Variants in ARHGAP6 observed in about 807,000 individuals in gnomAD.
ARHGAP6 encodes rho GTPase-activating protein 6.
A neutral mutation model predicts 55.7 loss-of-function variants in ARHGAP6; 16 were observed. That is an observed-to-expected ratio of 0.29 (90% confidence interval 0.19 to 0.44). ARHGAP6 has a LOEUF of 0.44. Among genes scored for constraint, ARHGAP6 ranks in the 20% least tolerant of loss-of-function variants. The pLI is 1.00. For synonymous variants in ARHGAP6, 382 were observed against 360.9 expected (o/e 1.06, Z -0.66); for missense variants, 698 against 808.9 (o/e 0.86, Z 1.66).
intron 1 of ARHGAP6, among the ~76,000 whole-genome samples, chrX:11,626,064 T>C (rs926914081): frequency 8.9e-6 from 1 of 111,969 alleles, no homozygotes; most frequent in African/African-American, 3.2e-5. Context: ...AGCTAGTTTT[T>C]TTACTGACAA....
intron 1 of ARHGAP6, among the ~76,000 whole-genome samples, chrX:11,341,228 A>C (rs972075974): frequency 8.9e-6 from 1 of 111,759 alleles, no homozygotes; most frequent in Non-Finnish European, 1.9e-5. Flanking sequence ...ATGATTCCAA[A>C]ACCCATGTCA....
intron 1 of ARHGAP6, among the ~76,000 whole-genome samples, chrX:11,401,993 C>A (rs1045530857): frequency 4.5e-5 from 5 of 111,957 alleles, no homozygotes; most frequent in Admixed American, 9.5e-5. Context: ...TGTCCCATCA[C>A]TGTCCAATAA....
At chrX:11,450,909 T>C (rs1193869115) in intron 1 of ARHGAP6, among the ~76,000 whole-genome samples, 1 of 111,295 alleles carries the variant, frequency 9.0e-6, no homozygotes, top group African/African-American at 3.3e-5. Flanking sequence ...TCCTCCCCCA[T>C]TTCCCCACCG....
chrX:11,152,769 C>A (rs940670969), intron 10 of ARHGAP6, among the ~76,000 whole-genome samples: 1 of 112,514 alleles, frequency 8.9e-6, no homozygotes, highest in Non-Finnish European at 1.9e-5. Flanking sequence ...CAAACTCCCA[C>A]ATGATAGTAA....
chrX:11,313,776 G>A (rs747008411), intron 1 of ARHGAP6, among the ~76,000 whole-genome samples: 2 of 112,132 alleles, frequency 1.8e-5, no homozygotes, highest in Non-Finnish European at 3.8e-5. Context: ...CTAGGTTTAG[G>A]TGCTAAGAAT....
At chrX:11,478,446 T>C (rs1034604) in intron 1 of ARHGAP6, among the ~76,000 whole-genome samples, 422 of 112,154 alleles carry the variant, frequency 3.8e-3, no homozygotes, top group African/African-American at 0.013. Context: ...CATACAGTAT[T>C]ATTCCATTTA....
chrX:11,425,375 G>A (rs1191806021), intron 1 of ARHGAP6, among the ~76,000 whole-genome samples: 6 of 112,149 alleles, frequency 5.4e-5, no homozygotes, highest in African/African-American at 9.7e-5. Context: ...AAAGTGCAGC[G>A]TTAGAATAGA....
intron 1 of ARHGAP6, among the ~76,000 whole-genome samples, chrX:11,595,146 C>T (rs921480742): frequency 4.5e-5 from 5 of 110,614 alleles, no homozygotes; most frequent in Admixed American, 9.6e-5. Flanking sequence ...AAAAATTAGC[C>T]GGGTATGGTG....
intron 1 of ARHGAP6, among the ~76,000 whole-genome samples, chrX:11,340,727 T>TCAAAA (rs1555993290): frequency 1.0e-4 from 10 of 96,710 alleles, no homozygotes; most frequent in Admixed American, 3.3e-4. Flanking sequence ...AGACTCCGTC[T>TCAAAA]AAAAAAAAAA....
At chrX:11,339,346 C>T (rs761710659) in intron 1 of ARHGAP6, among the ~76,000 whole-genome samples, 7 of 111,100 alleles carry the variant, frequency 6.3e-5, no homozygotes, top group Non-Finnish European at 1.1e-4. Flanking sequence ...TTCTTTAATG[C>T]GCAGGGAAGC....
chrX:11,357,590 A>G (rs746540346), intron 1 of ARHGAP6, among the ~76,000 whole-genome samples: 2 of 111,799 alleles, frequency 1.8e-5, no homozygotes, highest in Non-Finnish European at 3.8e-5. Flanking sequence ...GTATTCAAAC[A>G]GATGTAGTAC....
intron 1 of ARHGAP6, among the ~76,000 whole-genome samples, chrX:11,629,454 C>G (rs1474704414): frequency 9.0e-6 from 1 of 110,839 alleles, no homozygotes; most frequent in Non-Finnish European, 1.9e-5. Context: ...ATAATGTATG[C>G]CAAGCACTGC....
intron 1 of ARHGAP6, among the ~76,000 whole-genome samples, chrX:11,471,775 T>C (rs1353314938): frequency 9.0e-6 from 1 of 111,673 alleles, no homozygotes; most frequent in Non-Finnish European, 1.9e-5. Flanking sequence ...GACAATGTAA[T>C]AGTCTGATCC....
At chrX:11,183,825 T>A (rs917969852) in intron 5 of ARHGAP6, among the ~76,000 whole-genome samples, 2 of 112,258 alleles carry the variant, frequency 1.8e-5, no homozygotes, top group African/African-American at 6.5e-5. Flanking sequence ...CAAGAATACT[T>A]CACAAAAAGT....
chrX:11,445,399 T>G (rs1028347953), intron 1 of ARHGAP6, among the ~76,000 whole-genome samples: 2 of 111,982 alleles, frequency 1.8e-5, no homozygotes, highest in African/African-American at 6.5e-5. Flanking sequence ...TCTTACTGTG[T>G]CACTTTTCAA....
intron 1 of ARHGAP6, among the ~76,000 whole-genome samples, chrX:11,280,255 C>A (rs1266422690): frequency 8.9e-6 from 1 of 111,756 alleles, no homozygotes; most frequent in Non-Finnish European, 1.9e-5. Context: ...TCTTTCTCTA[C>A]TTGGGAAAGG....
chrX:11,521,061 C>T (rs2050919732), intron 1 of ARHGAP6, among the ~76,000 whole-genome samples: 2 of 111,655 alleles, frequency 1.8e-5, no homozygotes, highest in Non-Finnish European at 1.9e-5. Context: ...GATATTAGCC[C>T]TTTGTCAGAT....
chrX:11,539,972 C>G (rs962569026), intron 1 of ARHGAP6, among the ~76,000 whole-genome samples: 1 of 110,964 alleles, frequency 9.0e-6, no homozygotes, highest in Non-Finnish European at 1.9e-5. Context: ...AAACAAACCT[C>G]AGGCTGGGTA....
chrX:11,269,595 G>A (rs886986998), intron 1 of ARHGAP6, among the ~76,000 whole-genome samples: 2 of 71,825 alleles, frequency 2.8e-5, no homozygotes, highest in East Asian at 8.0e-4. Context: ...CATAGAGTTC[G>A]CATGTAAGGT....
Sources: gnomAD v4.1 joint callset for allele counts (sites outside exome capture counted in the v4.1 genomes callset) on GRCh38, gnomAD v4.1.1 for gene constraint, MANE v1.5 for transcripts, NCBI Gene and HGNC (gene_info 2026-07-23, HGNC 2026-07-21) for gene names.